The following TRHDE variants were observed in gnomAD, a reference collection of about 807,000 sequenced individuals.
TRHDE encodes the protein thyrotropin-releasing hormone-degrading ectoenzyme.
In TRHDE, 72 loss-of-function variants were observed where a neutral mutation model predicts 125.7. The observed-to-expected ratio is 0.57, with a 90% CI of 0.47 to 0.70. TRHDE has a LOEUF of 0.70. TRHDE is among the 30% of genes least tolerant of loss of function. TRHDE has a pLI of 0.00. For synonymous variants in TRHDE, 509 were observed against 509.1 expected, an observed-to-expected ratio of 1.00 and a Z score of 0.00; for missense variants, 1,110 against 1,327.1, an observed-to-expected ratio of 0.84 and a Z score of 2.54.
chr12:72,432,146 T>C (rs1353536714), intron 3 of TRHDE: 1 of 152,428 alleles, frequency 6.6e-6, no homozygotes, highest in Non-Finnish European at 1.5e-5. Context: ...GCAACAGCAT[T>C]ACAGAGACTG....
intron 2 of TRHDE, among the ~76,000 whole-genome samples, chr12:72,162,715 C>G (rs1876661860): frequency 6.6e-6 from 1 of 152,110 alleles, no homozygotes; most frequent in Admixed American, 6.6e-5. Context: ...GAAGTGGTTG[C>G]AGGCAATAGA....
intron 12 of TRHDE, 43 bp downstream of exon 12, chr12:72,575,585 C>A (rs1174570777): frequency 2.6e-6 from 4 of 1,565,530 alleles, no homozygotes; most frequent in African/African-American, 1.4e-5. Flanking sequence ...CTTGTGCCTG[C>A]AAGACTTCCT....
chr12:72,513,429 T>C (rs1592502224), intron 6 of TRHDE, among the ~76,000 whole-genome samples: 2 of 152,226 alleles, frequency 1.3e-5, no homozygotes, highest in Admixed American at 1.3e-4. Flanking sequence ...TCTTTGGACA[T>C]ACTCTCCCAG....
intron 3 of TRHDE, among the ~76,000 whole-genome samples, chr12:72,423,440 C>T (rs1874048204): frequency 6.6e-6 from 1 of 152,160 alleles, no homozygotes. Flanking sequence ...CTGTTCATCT[C>T]TTAAGGTGGT....
chr12:72,273,926 T>C lies in TRHDE; in HGVS notation c.914+369T>C. Reference sequence around the variant, plus strand: ...ACATGAAAAGCTTGCCAAGTTACTGTCGAGGGAAAATACGTGGCGCTGAAG... The same window carrying C: ...ACATGAAAAGCTTGCCAAGTTACTGCCGAGGGAAAATACGTGGCGCTGAAG... On this transcript the variant is annotated intron_variant, in intron 1 of 18. Transcript: ENST00000261180. This position sits in a 1 kb window ranked among gnomAD's most constrained non-coding sequence, Gnocchi z 5.3. 4.6e-6 allele frequency: 1 copy of C among 215,784 alleles called. No homozygotes were observed. Among genetic ancestry groups the C allele is most frequent in the Non-Finnish European group, 9.3e-6 (1 of 107,486 alleles). 13.4% of individuals were successfully genotyped at this position (215,784 alleles called of 1,614,324 possible). A position where few individuals can be genotyped will look rare whatever the true frequency, so the allele number is the denominator to read the frequency against.
Position 72,307,223 on chromosome 12 carries a change from T to A in TRHDE, c.1188+20269T>A, listed in dbSNP as rs557558258. Among the ~76,000 whole-genome samples, 3 of 152,222 alleles carry A rather than the reference T, an allele frequency of 2.0e-5. No individual in the cohort carries two copies. In the South Asian group the frequency reaches 6.2e-4, roughly 32 times the overall value. On this transcript the variant is annotated intron_variant, in intron 2 of 18. Coordinates refer to ENST00000261180, the MANE Select transcript of TRHDE (RefSeq NM_013381.3). ...GTGCAGTGGTGTGATCTTGGCTCAC[T>A]GCAACCTGCTCACTGAAACCTGAAA... is the stretch of plus-strand genomic sequence containing the variant.
intron 3 of TRHDE, among the ~76,000 whole-genome samples, chr12:72,441,518 A>T (rs1875011081): frequency 6.6e-6 from 1 of 151,828 alleles, no homozygotes; most frequent in Admixed American, 6.6e-5. Context: ...AAAGGACAGG[A>T]GGTGTGGGGA....
At position 72,471,591 on chromosome 12, in the gene TRHDE, C is replaced by G. The variant is rs530352114; in HGVS notation, c.1471-1476C>G. 2.0e-5 allele frequency among the ~76,000 whole-genome samples: 3 copies of G among 152,262 alleles called. No homozygotes were observed. In the East Asian group the frequency reaches 5.8e-4, roughly 29 times the overall value. On this transcript the variant is annotated intron_variant, in intron 4 of 18. Transcript: ENST00000261180. ...TAAAATAATTTCCGTTGTCATTAAC[C>G]AATTAATTTCTATGTTACCTTTCCT...
intron 3 of TRHDE, among the ~76,000 whole-genome samples, chr12:72,430,388 T>C (rs1168677327): frequency 2.8e-5 from 4 of 141,556 alleles, no homozygotes; most frequent in Admixed American, 2.2e-4. Flanking sequence ...TACATGTATA[T>C]ATATACACAC....
intron 3 of TRHDE, among the ~76,000 whole-genome samples, chr12:72,400,217 T>G (rs373954896): frequency 1.3e-5 from 2 of 152,092 alleles, no homozygotes; most frequent in East Asian, 3.8e-4. Context: ...CAGTGAAAAT[T>G]TACTTATAGG....
chr12:72,331,836 AT>A (rs756878468), intron 2 of TRHDE, among the ~76,000 whole-genome samples: 36 of 152,208 alleles, frequency 2.4e-4, no homozygotes, highest in Admixed American at 1.3e-3. Flanking sequence ...TTTAGAAATG[AT>A]TTGACCAACT....
chr12:72,540,006 T>C (rs975260159), intron 6 of TRHDE, among the ~76,000 whole-genome samples: 5 of 151,822 alleles, frequency 3.3e-5, no homozygotes, highest in African/African-American at 1.2e-4. Context: ...AAAAGGATTC[T>C]GAGTTTTCTT....
chr12:72,473,954 T>C lies in TRHDE; in HGVS notation c.1584+774T>C, dbSNP rs537132423. 1.7e-3 allele frequency among the ~76,000 whole-genome samples: 263 copies of C among 152,208 alleles called. 2 individuals are homozygous for C. The highest frequency in any genetic ancestry group is 6.1e-3 in the African/African-American group (254 of 41,554). ...AAAAATTGCAATGTACCAATACTTA[T>C]CAATTTCCAAAAGCTCAACTTTTAT... On this transcript the variant is annotated intron_variant, in intron 5 of 18. Transcript: ENST00000261180.
At chr12:72,122,094 T>A (rs1451522300) in intron 2 of TRHDE, among the ~76,000 whole-genome samples, 1 of 152,062 alleles carries the variant, frequency 6.6e-6, no homozygotes, top group Non-Finnish European at 1.5e-5. Flanking sequence ...AAATGAGGGT[T>A]CTAGTTTGTC....
At chr12:72,438,098 A>G (rs541599751) in intron 3 of TRHDE, among the ~76,000 whole-genome samples, 4 of 151,862 alleles carry the variant, frequency 2.6e-5, no homozygotes, top group Non-Finnish European at 5.9e-5. Context: ...GTTGTCACAA[A>G]TGACAGGCTT....
chr12:72,514,035 C>G (rs1878719039), intron 6 of TRHDE, among the ~76,000 whole-genome samples: 1 of 152,120 alleles, frequency 6.6e-6, no homozygotes, highest in East Asian at 1.9e-4. Flanking sequence ...CAGATGAAAA[C>G]CATCTTGGTA....
chr12:72,511,281 G>T (rs900095328), intron 6 of TRHDE, among the ~76,000 whole-genome samples: 3 of 151,968 alleles, frequency 2.0e-5, no homozygotes, highest in Non-Finnish European at 4.4e-5. Context: ...AATTAATTTT[G>T]TATTTGCATA....
intron 2 of TRHDE, among the ~76,000 whole-genome samples, chr12:72,312,491 C>A (rs1194433659): frequency 1.3e-5 from 2 of 152,016 alleles, no homozygotes; most frequent in Non-Finnish European, 2.9e-5. Context: ...GAGCACTCAG[C>A]AATTGTTTTA....
intron 7 of TRHDE, among the ~76,000 whole-genome samples, chr12:72,542,911 A>G (rs1047454808): frequency 6.6e-6 from 1 of 151,386 alleles, no homozygotes; most frequent in African/African-American, 2.4e-5. Context: ...TATGAAGTAT[A>G]GAATCTAAGA....
Sources: gnomAD v4.1 joint callset for allele counts (sites outside exome capture counted in the v4.1 genomes callset) on GRCh38, gnomAD v4.1.1 for gene constraint, Gnocchi (gnomAD v3.1) non-coding constraint, MANE v1.5 for transcripts, NCBI Gene and HGNC (gene_info 2026-07-23, HGNC 2026-07-21) for gene names.